The following GPC3 variants were observed in gnomAD, a reference collection of about 807,000 sequenced individuals.
GPC3 encodes the protein glypican-3.
Under a neutral mutation model 34.4 loss-of-function variants are expected in GPC3, and 3 were observed. The observed-to-expected ratio is 0.09, with a 90% CI of 0.04 to 0.23. GPC3 has a LOEUF of 0.23. GPC3 is among the 10% of genes least tolerant of loss of function. The pLI is 1.00. For missense variants in GPC3, 351 were observed against 445.6 expected (o/e 0.79, Z 1.91); for synonymous variants, 177 against 174.0 (o/e 1.02, Z -0.13).
At chrX:133,558,350 G>A (rs891607728) in intron 7 of GPC3, among the ~76,000 whole-genome samples, 1 of 105,053 alleles carries the variant, frequency 9.5e-6, no homozygotes, top group African/African-American at 3.5e-5. Context: ...GCAGCATTTA[G>A]AGGGTGCAGG....
At chrX:133,858,171 C>T (rs753355051) in intron 2 of GPC3, among the ~76,000 whole-genome samples, 2 of 111,992 alleles carry the variant, frequency 1.8e-5, no homozygotes, top group East Asian at 5.6e-4. Context: ...CGAACTATCA[C>T]TAATATTCCC....
At chrX:133,730,454 G>A (rs751150592) in intron 3 of GPC3, among the ~76,000 whole-genome samples, 105 of 111,945 alleles carry the variant, frequency 9.4e-4, no homozygotes, top group Non-Finnish European at 1.9e-3. Context: ...TTTCTATAGT[G>A]AGCCGTATTT....
chrX:133,827,809 G>A (rs755296485), intron 2 of GPC3, among the ~76,000 whole-genome samples: 43 of 107,629 alleles, frequency 4.0e-4, no homozygotes, highest in Non-Finnish European at 7.9e-4. Flanking sequence ...GCTGGGCATG[G>A]TGGTGCATAC....
intron 3 of GPC3, among the ~76,000 whole-genome samples, chrX:133,705,447 C>A (rs982662738): frequency 8.9e-6 from 1 of 111,764 alleles, no homozygotes; most frequent in Non-Finnish European, 1.9e-5. Context: ...CCACCTTGGT[C>A]TCCCAAAGCA....
intron 6 of GPC3, among the ~76,000 whole-genome samples, chrX:133,624,276 A>G (rs929435605): frequency 4.9e-4 from 55 of 111,764 alleles, no homozygotes; most frequent in African/African-American, 1.6e-3. Flanking sequence ...AACACATTCA[A>G]AAGCTAGCAG....
At chrX:133,861,075 A>G (rs769337708) in intron 2 of GPC3, among the ~76,000 whole-genome samples, 1 of 111,679 alleles carries the variant, frequency 9.0e-6, no homozygotes, top group Non-Finnish European at 1.9e-5. Flanking sequence ...AGCCTGGGTG[A>G]CAAAGTGAGA....
chrX:133,634,704 G>A (rs779195541), intron 6 of GPC3, among the ~76,000 whole-genome samples: 2 of 112,028 alleles, frequency 1.8e-5, no homozygotes, highest in Middle Eastern at 4.6e-3. Flanking sequence ...CGGAAAACAG[G>A]CCTATGGGGC....
intron 1 of GPC3, among the ~76,000 whole-genome samples, chrX:133,980,462 G>A (rs1245205278): frequency 8.9e-6 from 1 of 111,981 alleles, no homozygotes; most frequent in African/African-American, 3.2e-5. Context: ...ATGGCCTTGT[G>A]CTCAACACTG....
intron 1 of GPC3, among the ~76,000 whole-genome samples, chrX:133,959,253 C>T (rs1436621740): frequency 8.9e-6 from 1 of 111,908 alleles, no homozygotes; most frequent in African/African-American, 3.3e-5. Context: ...ACCTTTTAGA[C>T]TGCTCCTGGT....
intron 5 of GPC3, 98 bp downstream of exon 5, chrX:133,692,271 G>T: frequency 1.1e-6 from 1 of 922,485 alleles, no homozygotes; most frequent in South Asian, 2.0e-5. Context: ...AATTTTTCTG[G>T]TGCAATTAAT....
intron 2 of GPC3, among the ~76,000 whole-genome samples, chrX:133,935,858 A>G (rs776752239): frequency 1.0e-3 from 111 of 111,014 alleles, no homozygotes; most frequent in African/African-American, 3.3e-3. Context: ...AGTGCTAATG[A>G]TAATAATAAA....
At chrX:133,680,651 T>C (rs1024831587) in intron 5 of GPC3, among the ~76,000 whole-genome samples, 3 of 112,470 alleles carry the variant, frequency 2.7e-5, no homozygotes, top group Admixed American at 9.4e-5. Flanking sequence ...CTGATTTTAA[T>C]GATCTTTCTC....
intron 5 of GPC3, among the ~76,000 whole-genome samples, chrX:133,672,658 T>C (rs897344589): frequency 8.9e-6 from 1 of 112,151 alleles, no homozygotes; most frequent in African/African-American, 3.2e-5. Flanking sequence ...TTTGTTTGTT[T>C]GTTTGTTTTT....
rs1236485325 is a variant in GPC3 at position 133,638,741 on chromosome X, GGCT to G, written c.1413+22986_1413+22988del. ...TTAAATCAGGGGTGTACAATCTTTTGGCTTCCCTGGGCCACACTGGAAGAAGAA... is the reference window on the plus strand; with the variant it reads ...TTAAATCAGGGGTGTACAATCTTTTGTCCCTGGGCCACACTGGAAGAAGAA... On this transcript the variant is annotated intron_variant, in intron 6 of 7. Coordinates refer to ENST00000370818, the MANE Select transcript of GPC3 (RefSeq NM_004484.4). 1.0e-4 allele frequency among the ~76,000 whole-genome samples: 11 copies of G among 108,467 alleles called. No homozygotes were observed. In the East Asian group the frequency reaches 2.9e-3, roughly 28 times the overall value. The allele number at this position is 108,467 out of a possible 115,157, so 94.2% of individuals were successfully genotyped here. A position where few individuals can be genotyped will look rare whatever the true frequency, so the allele number is the denominator to read the frequency against.
intron 6 of GPC3, among the ~76,000 whole-genome samples, chrX:133,612,907 T>C (rs945203834): frequency 8.0e-5 from 9 of 111,842 alleles, no homozygotes; most frequent in Admixed American, 5.7e-4. Context: ...GAATGGCTCA[T>C]CCCAAAGGAA....
chrX:133,628,290 C>A (rs2070327996), intron 6 of GPC3, among the ~76,000 whole-genome samples: 1 of 112,187 alleles, frequency 8.9e-6, no homozygotes, highest in Non-Finnish European at 1.9e-5. Flanking sequence ...CTGTAGAGAA[C>A]CATGAAATAA....
intron 1 of GPC3, among the ~76,000 whole-genome samples, chrX:133,976,912 T>C (rs1442033476): frequency 1.0e-5 from 1 of 99,021 alleles, no homozygotes; most frequent in African/African-American, 3.7e-5. Flanking sequence ...TGCAAGACTC[T>C]GTCTCAAAAA....
intron 2 of GPC3, among the ~76,000 whole-genome samples, chrX:133,804,029 C>T (rs2075623740): frequency 9.2e-6 from 1 of 108,251 alleles, no homozygotes; most frequent in Non-Finnish European, 1.9e-5. Flanking sequence ...CAAATAATTA[C>T]CCCCCCCTTT....
intron 3 of GPC3, among the ~76,000 whole-genome samples, chrX:133,723,731 C>T (rs2071388324): frequency 9.0e-6 from 1 of 111,728 alleles, no homozygotes; most frequent in East Asian, 2.8e-4. Context: ...TGCCTTCTGC[C>T]ATGAGTGGAA....
Sources: allele counts gnomAD v4.1 joint callset (sites outside exome capture counted in the v4.1 genomes callset), GRCh38; gene constraint gnomAD v4.1.1; transcripts MANE v1.5; gene names NCBI Gene and HGNC (gene_info 2026-07-23, HGNC 2026-07-21).